Variants in SKIC3 observed in about 807,000 individuals in gnomAD.
The protein encoded by SKIC3 is SKI3 subunit of superkiller complex.
At chr5:95,503,851 A>G in the SKIC3 span, 1 of 1,613,998 alleles carries the variant, frequency 6.2e-7, no homozygotes, top group East Asian at 2.2e-5. Flanking sequence ...TCATGAATAA[A>G]GCCAATGCAA....
the SKIC3 span, among the ~76,000 whole-genome samples, chr5:95,550,097 G>A: frequency 6.6e-6 from 1 of 151,908 alleles, no homozygotes; most frequent in African/African-American, 2.4e-5. Flanking sequence ...TTAAATAAGA[G>A]TATTCATTTT....
the SKIC3 span, chr5:95,524,721 C>A: frequency 1.1e-5 from 14 of 1,218,768 alleles, no homozygotes; most frequent in East Asian, 2.4e-5. Context: ...AGAAACCAAT[C>A]ATCACTTTAG....
chr5:95,542,881 C>A, the SKIC3 span, among the ~76,000 whole-genome samples: 1 of 152,144 alleles, frequency 6.6e-6, no homozygotes, highest in Middle Eastern at 3.4e-3. Flanking sequence ...CTCAGGTAAG[C>A]ATAAAGAATA....
chr5:95,520,705 A>G, the SKIC3 span: 25 of 1,596,334 alleles, frequency 1.6e-5, no homozygotes, highest in African/African-American at 1.9e-4. Flanking sequence ...AATAATAAGA[A>G]TAATACGAAC....
the SKIC3 span, among the ~76,000 whole-genome samples, chr5:95,479,505 G>A: frequency 6.6e-6 from 1 of 152,080 alleles, no homozygotes; most frequent in Non-Finnish European, 1.5e-5. Context: ...TCAGTTACCT[G>A]TGGTACAACA....
At chr5:95,484,099 A>G in the SKIC3 span, among the ~76,000 whole-genome samples, 1 of 152,278 alleles carries the variant, frequency 6.6e-6, no homozygotes, top group African/African-American at 2.4e-5. Context: ...TCACAACTCT[A>G]TCCATTCCTA....
At chr5:95,465,480 A>G in the SKIC3 span, among the ~76,000 whole-genome samples, 1 of 152,148 alleles carries the variant, frequency 6.6e-6, no homozygotes, top group African/African-American at 2.4e-5. Flanking sequence ...CCTTCATACT[A>G]AAACATTTTT....
the SKIC3 span, chr5:95,504,049 C>T: frequency 1.0e-6 from 1 of 964,370 alleles, no homozygotes; most frequent in Non-Finnish European, 1.5e-6. Context: ...TGGCTCACAT[C>T]TGTAATCCCA....
chr5:95,487,728 G>C, the SKIC3 span, among the ~76,000 whole-genome samples: 11 of 152,290 alleles, frequency 7.2e-5, no homozygotes, highest in Non-Finnish European at 1.3e-4. Context: ...GGAAGTGACT[G>C]TTAGACTAGA....
chr5:95,492,785 T>C, the SKIC3 span, among the ~76,000 whole-genome samples: 9 of 143,808 alleles, frequency 6.3e-5, no homozygotes, highest in Non-Finnish European at 7.5e-5. Flanking sequence ...ATTAACTTAA[T>C]CCTAAGATTA....
chr5:95,516,321 T>C, the SKIC3 span: 2 of 1,610,852 alleles, frequency 1.2e-6, no homozygotes, highest in Middle Eastern at 1.7e-4. Flanking sequence ...ACATTCTTTG[T>C]TTTAAATATG....
At chr5:95,521,993 T>C in the SKIC3 span, 1 of 1,604,124 alleles carries the variant, frequency 6.2e-7, no homozygotes, top group Non-Finnish European at 8.5e-7. Context: ...GCAGGAAATC[T>C]ACTCAAGGAT....
chr5:95,504,010 A>G, the SKIC3 span: 2 of 1,512,048 alleles, frequency 1.3e-6, no homozygotes, highest in Non-Finnish European at 1.8e-6. Context: ...ATACTGAGAT[A>G]TAATTACACT....
the SKIC3 span, among the ~76,000 whole-genome samples, chr5:95,491,267 A>G: frequency 6.6e-6 from 1 of 152,190 alleles, no homozygotes; most frequent in African/African-American, 2.4e-5. Context: ...TAAACATCCT[A>G]TTAAGCTGTT....
At chr5:95,516,192 G>A in the SKIC3 span, among the ~76,000 whole-genome samples, 2 of 152,022 alleles carry the variant, frequency 1.3e-5, no homozygotes, top group African/African-American at 2.4e-5. Context: ...TTAATTATTC[G>A]ACATAAATTG....
At chr5:95,540,840 A>G in the SKIC3 span, 3 of 1,613,598 alleles carry the variant, frequency 1.9e-6, no homozygotes, top group Non-Finnish European at 2.5e-6. Flanking sequence ...CCTATTAAAG[A>G]AGGAGATTTT....
At chr5:95,529,079 T>G in the SKIC3 span, 2 of 1,613,778 alleles carry the variant, frequency 1.2e-6, no homozygotes, top group South Asian at 2.2e-5. Flanking sequence ...CATCCACTTG[T>G]GCAGACAGGG....
the SKIC3 span, among the ~76,000 whole-genome samples, chr5:95,481,234 G>A: frequency 6.6e-6 from 1 of 152,102 alleles, no homozygotes; most frequent in African/African-American, 2.4e-5. Context: ...TGTTATGGGA[G>A]GGATCTGGTA....
chr5:95,513,041 T>C, the SKIC3 span: 1 of 197,856 alleles, frequency 5.1e-6, no homozygotes. Flanking sequence ...ATATGACTGC[T>C]ACTATATCTA....
Sources: gnomAD v4.1 joint callset for allele counts (sites outside exome capture counted in the v4.1 genomes callset) on GRCh38, gnomAD v4.1.1 for gene constraint, MANE v1.5 for transcripts, NCBI Gene and HGNC (gene_info 2026-07-23, HGNC 2026-07-21) for gene names.